The following ODAD1 variants were observed in gnomAD, a reference collection of about 807,000 sequenced individuals.
The protein encoded by ODAD1 is outer dynein arm docking complex subunit 1.
ODAD1 carries 49 observed loss-of-function variants against 67.2 expected under a neutral mutation model. The ratio of observed to expected loss-of-function variants is 0.73; its 90% CI spans 0.58 to 0.92. The LOEUF (loss-of-function observed/expected upper bound fraction) is 0.92. Among genes scored for constraint, ODAD1 ranks in the 40% least tolerant of loss-of-function variants. The pLI is 0.00. For synonymous variants in ODAD1, 345 were observed against 393.7 expected (o/e 0.88, Z 1.46); for missense variants, 897 against 953.7 (o/e 0.94, Z 0.78).
In ODAD1 at chr19:48,303,675, G is replaced by A. The variant is rs373284578; in HGVS notation, c.963C>T (p.Asp321=). The change falls in exon 10 of 16, where the codon GAC becomes GAT. Residue 321 remains aspartate, a synonymous_variant. Coordinates refer to ENST00000674294, the MANE Select transcript of ODAD1 (RefSeq NM_001364171.2). ...TCTCCAGATACTTCTGCACCAACAG[G>A]TCAGGGTCACTCTCCCCCATCAGCT... is the stretch of plus-strand genomic sequence containing the variant. The part of the protein sequence containing the change: ...LSQLMGESDP[D]LLVQKYLEIE... 6.2e-7 allele frequency: 1 copy of A among 1,614,148 alleles called. No individual in the cohort carries two copies. Among genetic ancestry groups the A allele is most frequent in the East Asian group, 2.2e-5 (1 of 44,880 alleles).
chr19:48,298,957 G>T (rs2147310422), intron 12 of ODAD1, among the ~76,000 whole-genome samples: 1 of 152,268 alleles, frequency 6.6e-6, no homozygotes, highest in African/African-American at 2.4e-5. Flanking sequence ...CCCCGAGGAG[G>T]CTCTCCAGCT....
intron 7 of ODAD1, among the ~76,000 whole-genome samples, chr19:48,310,122 T>C (rs1968717137): frequency 6.6e-6 from 1 of 151,986 alleles, no homozygotes; most frequent in South Asian, 2.1e-4. Flanking sequence ...TAATCCCAGC[T>C]ACTCAGGAGG....
In ODAD1 at chr19:48,320,343, C is replaced by T. The variant is rs1969001525; in HGVS notation, c.26G>A (p.Ser9Asn). 2 of 1,289,126 alleles carry T rather than the reference C, an allele frequency of 1.6e-6. No homozygotes were observed. The highest frequency in any genetic ancestry group is 2.5e-5 in the South Asian group (2 of 80,948). 79.9% of individuals were successfully genotyped at this position (1,289,126 alleles called of 1,614,324 possible). A position where few individuals can be genotyped will look rare whatever the true frequency, so the allele number is the denominator to read the frequency against. Residue 9 changes from serine to asparagine, a missense_variant, in exon 3 of 16, where the codon AGC (serine) becomes AAC (asparagine). Transcript: ENST00000674294. ...CTCGCTTCCCTCCTCGGAGCGGGCG[C>T]TCCCTGCCAAGCGTCCCAAAGGCAT... MPLGRLAGSARSEEGSEAF... is the reference protein window; with the variant it reads MPLGRLAGNARSEEGSEAF...
chr19:48,306,816 G>A (rs570160883), intron 7 of ODAD1, among the ~76,000 whole-genome samples: 1 of 152,050 alleles, frequency 6.6e-6, no homozygotes, highest in African/African-American at 2.4e-5. Context: ...GGAGGACGAG[G>A]CGGGCAGATC....
intron 5 of ODAD1, among the ~76,000 whole-genome samples, chr19:48,313,787 G>A (rs1453615641): frequency 2.6e-5 from 4 of 152,134 alleles, no homozygotes; most frequent in African/African-American, 9.7e-5. Context: ...GGGAAGCTGA[G>A]GTGGCAGATC....
At chr19:48,313,543 G>C (rs1968826500) in intron 5 of ODAD1, among the ~76,000 whole-genome samples, 1 of 151,890 alleles carries the variant, frequency 6.6e-6, no homozygotes, top group African/African-American at 2.4e-5. Flanking sequence ...ATTAAAATGA[G>C]GTAATTAAGG....
In ODAD1 at chr19:48,304,066, G is replaced by A. The variant is rs774954250; in HGVS notation, c.740C>T (p.Ala247Val). 1.1e-5 allele frequency: 17 copies of A among 1,614,074 alleles called. No homozygotes were observed. The highest frequency in any genetic ancestry group is 9.9e-5 in the South Asian group (9 of 91,092). The change falls in exon 9 of 16, where the codon GCG becomes GTG. Residue 247 changes from alanine (A) to valine (V), a missense_variant. Physicochemically the swap from Ala to Val is moderately conservative, Grantham distance 64 (BLOSUM62 0). Transcript: ENST00000674294. ...CAAGATCTGCCGCTGCAGGACCTGC[G>A]CCTCCATCTCGCTCTGGGCCTCCTC... is the stretch of plus-strand genomic sequence containing the variant. ...EKEEAQSEME[A>V]QVLQRQILHL...
intron 12 of ODAD1, among the ~76,000 whole-genome samples, chr19:48,299,805 T>C (rs10424516): frequency 6.7e-6 from 1 of 148,844 alleles, no homozygotes; most frequent in South Asian, 2.1e-4. Flanking sequence ...TCTCAAATTT[T>C]AAAAAATAAT....
At position 48,298,004 on chromosome 19, in the gene ODAD1, T is replaced by C. The variant is rs1353401086; in HGVS notation, c.1498A>G (p.Thr500Ala). ...CCCTCCTGCCCTGCGCCTCACAGAGTGTCAGGGGGCTGAAGTGGGGCCATC... is the reference window on the plus strand; with the variant it reads ...CCCTCCTGCCCTGCGCCTCACAGAGCGTCAGGGGGCTGAAGTGGGGCCATC... ...KKMAPLQPPD[T>A]LEDPPGFEAS... Residue 500 changes from threonine to alanine, a missense_variant, in exon 14 of 16, where the codon ACT becomes GCT. By Grantham distance (58) the Thr-to-Ala change is moderately conservative (BLOSUM62 0). Coordinates refer to ENST00000674294, the MANE Select transcript of ODAD1 (RefSeq NM_001364171.2). 5.6e-6 allele frequency: 9 copies of C among 1,611,196 alleles called. No homozygotes were observed. The highest frequency in any genetic ancestry group is 3.3e-5 in the Admixed American group (2 of 59,710).
intron 12 of ODAD1, 68 bp from the exon 13 acceptor site, chr19:48,298,408 C>A: frequency 6.6e-7 from 1 of 1,504,194 alleles, no homozygotes; most frequent in Non-Finnish European, 9.2e-7. Flanking sequence ...TCTCCCCACT[C>A]AGGTCCTCAC....
rs567924125 is a variant in ODAD1, at chr19:48,306,250, C to A, written c.665+6G>T. 2 of 1,551,558 alleles carry A rather than the reference C, an allele frequency of 1.3e-6. No individual in the cohort carries two copies. The highest frequency in any genetic ancestry group is 2.0e-5 in the Admixed American group (1 of 50,984). On this transcript the variant is annotated splice_donor_region_variant and intron_variant, in intron 8 of 15. Coordinates refer to ENST00000674294, the MANE Select transcript of ODAD1 (RefSeq NM_001364171.2). ...CCCGCCATCCCAGGATACCCGCAGT[C>A]TCTACCTGACGGCGTAGGCAGAGGT... is the stretch of plus-strand genomic sequence containing the variant.
rs1289249806 is a variant in ODAD1 at position 48,303,936 on chromosome 19, A to C, written c.853+17T>G. 1 of 1,609,012 alleles carries C rather than the reference A, an allele frequency of 6.2e-7. No individual in the cohort carries two copies. Among genetic ancestry groups the C allele is most frequent in the East Asian group, 2.2e-5 (1 of 44,750 alleles). On this transcript the variant is annotated intron_variant, in intron 9 of 15. Transcript: ENST00000674294. ...GGCCAGGCCCTTGAGATGCAAAGGCAGCAGCCCCAGCCTCACCCTGCTTTT... is the reference window on the plus strand; with the variant it reads ...GGCCAGGCCCTTGAGATGCAAAGGCCGCAGCCCCAGCCTCACCCTGCTTTT...
At chr19:48,297,542 CCG>C in intron 15 of ODAD1, 24 bp from the exon 16 acceptor site, 1 of 1,597,556 alleles carries the variant, frequency 6.3e-7, no homozygotes, top group Non-Finnish European at 8.5e-7. Context: ...GAACTGGGCC[CCG>C]ACACACACTG....
chr19:48,306,376 G>A (rs934523693), intron 7 of ODAD1, 53 bp from the exon 8 acceptor site: 43 of 1,469,390 alleles, frequency 2.9e-5, no homozygotes, highest in Admixed American at 1.2e-4. Flanking sequence ...CCCATTGCTC[G>A]AAGTCTTTCC....
rs112710120 is a variant in ODAD1 at position 48,307,590 on chromosome 19, C to T, written c.598-1267G>A. On this transcript the variant is annotated intron_variant, in intron 7 of 15. Coordinates refer to ENST00000674294, the MANE Select transcript of ODAD1 (RefSeq NM_001364171.2). ...CAGCACTGTGGGAGGCCGAGGTGGGCGGATCACGAGGTCAGGAGATCGAGA... is the reference window on the plus strand; with the variant it reads ...CAGCACTGTGGGAGGCCGAGGTGGGTGGATCACGAGGTCAGGAGATCGAGA... Among the ~76,000 whole-genome samples the T allele has an allele frequency of 6.6e-3, 1,002 of 152,094 alleles. 11 individuals are homozygous for T. The highest frequency in any genetic ancestry group is 0.023 in the African/African-American group (944 of 41,472).
chr19:48,316,876 G>A (rs1327090202), intron 5 of ODAD1, among the ~76,000 whole-genome samples: 2 of 152,204 alleles, frequency 1.3e-5, no homozygotes, highest in African/African-American at 4.8e-5. Context: ...GCACGTGCCT[G>A]TAATCCCAGC....
At chr19:48,308,509 T>G (rs1569007629) in intron 7 of ODAD1, among the ~76,000 whole-genome samples, 1 of 151,998 alleles carries the variant, frequency 6.6e-6, no homozygotes, top group African/African-American at 2.4e-5. Flanking sequence ...TGCGATCTTA[T>G]AAATGTGGGA....
Position 48,306,333 on chromosome 19 carries a change from G to GT in ODAD1, c.598-11_598-10insA. On this transcript the variant is annotated splice_polypyrimidine_tract_variant and intron_variant, in intron 7 of 15. Coordinates refer to ENST00000674294, the MANE Select transcript of ODAD1 (RefSeq NM_001364171.2). Reference sequence around the variant, plus strand: ...GCAGGTGGTGGATCTCCTGTGGGGGGAGGAGAAAAAAATCAGTGCCACTTC... The same window carrying GT: ...GCAGGTGGTGGATCTCCTGTGGGGGGTAGGAGAAAAAAATCAGTGCCACTTC... 1 of 1,550,692 alleles carries GT rather than the reference G, an allele frequency of 6.4e-7. No homozygotes were observed. The highest frequency in any genetic ancestry group is 8.7e-7 in the Non-Finnish European group (1 of 1,146,300).
intron 5 of ODAD1, among the ~76,000 whole-genome samples, chr19:48,315,584 T>TA (rs1968877146): frequency 1.3e-5 from 2 of 152,274 alleles, no homozygotes; most frequent in South Asian, 4.1e-4. Flanking sequence ...TGTTTTGACA[T>TA]AAAATAGTGA....
Sources: gnomAD v4.1 joint callset for allele counts (sites outside exome capture counted in the v4.1 genomes callset) on GRCh38, gnomAD v4.1.1 for gene constraint, MANE v1.5 for transcripts, NCBI Gene and HGNC (gene_info 2026-07-23, HGNC 2026-07-21) for gene names.